NFAT5: variants seen among roughly 807,000 people sequenced by gnomAD.
The protein encoded by NFAT5 is nuclear factor of activated T cells 5.
Under a neutral mutation model 166.5 loss-of-function variants are expected in NFAT5, and 31 were observed. The ratio of observed to expected loss-of-function variants is 0.19; its 90% CI spans 0.14 to 0.25. The LOEUF (loss-of-function observed/expected upper bound fraction) is 0.25. NFAT5 is among the 10% of genes least tolerant of loss of function. The probability of loss-of-function intolerance (pLI) is 1.00; values close to 1 mark genes in which losing one functional copy is unlikely to be tolerated. For synonymous variants in NFAT5, 612 were observed against 639.7 expected, an observed-to-expected ratio of 0.96 and a Z score of 0.65; for missense variants, 1,449 against 1,821.8, an observed-to-expected ratio of 0.80 and a Z score of 3.72.
chr16:69,678,035 G>A (rs2036901395), intron 10 of NFAT5, among the ~76,000 whole-genome samples: 2 of 151,536 alleles, frequency 1.3e-5, no homozygotes, highest in Non-Finnish European at 2.9e-5. Context: ...ATGGGTGCTT[G>A]TAATCCCAGC....
At chr16:69,632,690 G>A (rs972141716) in intron 3 of NFAT5, 1 of 152,052 alleles carries the variant, frequency 6.6e-6, no homozygotes, top group African/African-American at 2.4e-5. Context: ...GCCTTTGATT[G>A]CTTTCCTGGG....
intron 9 of NFAT5, among the ~76,000 whole-genome samples, chr16:69,674,262 A>G (rs1485637257): frequency 6.7e-6 from 1 of 149,438 alleles, no homozygotes; most frequent in East Asian, 1.9e-4. Flanking sequence ...AAAAAAAAAA[A>G]GTAATACGGT....
intron 7 of NFAT5, among the ~76,000 whole-genome samples, chr16:69,661,492 TA>T (rs1243846340): frequency 8.2e-6 from 1 of 121,638 alleles, no homozygotes; most frequent in Non-Finnish European, 1.6e-5. Context: ...AGCAGTGAGC[TA>T]TGATCACACC....
In NFAT5 at chr16:69,693,976, G is replaced by C. The variant is rs775832672; in HGVS notation, c.4151G>C (p.Ser1384Thr). The change falls in exon 13 of 15, where the codon AGT (serine) becomes ACT (threonine). Residue 1384 changes from serine (S) to threonine (T), a missense_variant. Physicochemically the swap from Ser to Thr is moderately conservative, Grantham distance 58. Around this residue, in one of 7 missense-constraint regions of NFAT5, gnomAD observed 891 missense variants for 993.0 expected, o/e 0.90. Transcript: ENST00000349945. ...ATTCAGTTGGTACAAGGGTCACCTA[G>C]TTCTCAAGAGCAGCAAGTAACTCTC... is the stretch of plus-strand genomic sequence containing the variant. The part of the protein sequence containing the change: ...PQIQLVQGSP[S>T]SQEQQVTLFL... The C allele has an allele frequency of 6.2e-7, 1 of 1,614,164 alleles. No individual in the cohort carries two copies. The highest frequency in any genetic ancestry group is 8.5e-7 in the Non-Finnish European group (1 of 1,180,020).
At position 69,572,039 on chromosome 16, in the gene NFAT5, G is replaced by A. The variant is rs2016473511; in HGVS notation, c.127+3491G>A. Among the ~76,000 whole-genome samples the A allele has an allele frequency of 2.0e-5, 3 of 152,042 alleles. No homozygotes were observed. The South Asian group carries it at 6.2e-4, about 32-fold the overall frequency. On this transcript the variant is annotated intron_variant, in intron 2 of 14. Coordinates refer to ENST00000349945, the MANE Select transcript of NFAT5 (RefSeq NM_138713.4). Reference sequence around the variant, plus strand: ...AGCCTCCCAAAGTGCTGGGATTACAGGCGTGAGCCACCGCACCTGGCCTGC... The same window carrying A: ...AGCCTCCCAAAGTGCTGGGATTACAAGCGTGAGCCACCGCACCTGGCCTGC...
chr16:69,627,156 T>C (rs188805234), intron 3 of NFAT5, among the ~76,000 whole-genome samples: 5 of 151,440 alleles, frequency 3.3e-5, no homozygotes, highest in African/African-American at 7.2e-5. Flanking sequence ...CTTAATGATA[T>C]ACAATTGGCT....
At chr16:69,632,612 C>T (rs1228679715) in intron 3 of NFAT5, 13 of 152,044 alleles carry the variant, frequency 8.6e-5, no homozygotes, top group Non-Finnish European at 1.3e-4. Flanking sequence ...AATTTACTTA[C>T]GTTAGAAAGT....
chr16:69,677,448 G>C (rs2036873462), intron 10 of NFAT5, 113 bp downstream of exon 10: 1 of 802,918 alleles, frequency 1.2e-6, no homozygotes, highest in Non-Finnish European at 1.9e-6. Context: ...AAGATGAATT[G>C]ATGTTAGTTT....
chr16:69,569,048 T>G (rs1415588162), intron 2 of NFAT5, among the ~76,000 whole-genome samples: 1 of 152,236 alleles, frequency 6.6e-6, no homozygotes, highest in Admixed American at 6.5e-5. Context: ...CGATGATGAT[T>G]GAGCTATGCT....
chr16:69,609,865 C>A (rs2033622167), intron 2 of NFAT5, among the ~76,000 whole-genome samples: 1 of 146,358 alleles, frequency 6.8e-6, no homozygotes, highest in African/African-American at 2.5e-5. Flanking sequence ...ATTAGCTGGA[C>A]ATGGTGGCAT....
chr16:69,586,525 C>A (rs1163891556), intron 2 of NFAT5, among the ~76,000 whole-genome samples: 1 of 152,086 alleles, frequency 6.6e-6, no homozygotes. Context: ...GCCTCAGCCT[C>A]CCGAGTAGCT....
At chr16:69,638,151 G>A (rs773183561) in intron 3 of NFAT5, among the ~76,000 whole-genome samples, 7 of 152,074 alleles carry the variant, frequency 4.6e-5, no homozygotes, top group African/African-American at 7.2e-5. Flanking sequence ...CCCGGGAGGC[G>A]GAGGTTGCAG....
Position 69,692,121 on chromosome 16 carries a change from G to C in NFAT5, c.2296G>C (p.Glu766Gln). ...ACAACAGCAGCAGTCACCACTACAA[G>C]AACAAGCACAGACTTTACAGCAGCA... ...SQQQQQSPLQ[E>Q]QAQTLQQQIS... The change falls in exon 13 of 15, where the codon GAA becomes CAA. Residue 766 changes from glutamate to glutamine, a missense_variant. Glu to Gln is a conservative substitution (Grantham distance 29, BLOSUM62 2). This residue lies in a region of NFAT5 where 891 missense variants were observed against 993.0 expected (regional missense o/e 0.90). Coordinates refer to ENST00000349945, the MANE Select transcript of NFAT5 (RefSeq NM_138713.4). The C allele has an allele frequency of 1.9e-6, 3 of 1,614,104 alleles. No individual in the cohort carries two copies. The highest frequency in any genetic ancestry group is 2.5e-6 in the Non-Finnish European group (3 of 1,180,036).
intron 2 of NFAT5, among the ~76,000 whole-genome samples, chr16:69,617,928 G>GA (rs1234185440): frequency 6.6e-6 from 1 of 151,784 alleles, no homozygotes; most frequent in Non-Finnish European, 1.5e-5. Context: ...AGGCCAAGGT[G>GA]GGCGGATCAC....
chr16:69,606,191 A>G (rs1241695255), intron 2 of NFAT5, among the ~76,000 whole-genome samples: 1 of 152,174 alleles, frequency 6.6e-6, no homozygotes, highest in Non-Finnish European at 1.5e-5. Flanking sequence ...ACCTCTTGCA[A>G]GGTTTCTTCA....
chr16:69,671,804 C>A (rs530629031), intron 9 of NFAT5, among the ~76,000 whole-genome samples: 7 of 152,206 alleles, frequency 4.6e-5, no homozygotes, highest in Non-Finnish European at 1.0e-4. Flanking sequence ...CTTGGCATAG[C>A]AATGTGTGAT....
At position 69,698,039 on chromosome 16, in the gene NFAT5, T is replaced by C. The variant is rs1274282094; in HGVS notation, c.*1688T>C. 1 of 152,358 alleles carries C rather than the reference T, an allele frequency of 6.6e-6. No homozygotes were observed. The highest frequency in any genetic ancestry group is 6.6e-5 in the Admixed American group (1 of 15,260). 9.4% of individuals were successfully genotyped at this position (152,358 alleles called of 1,614,324 possible). A position where few individuals can be genotyped will look rare whatever the true frequency, so the allele number is the denominator to read the frequency against. ...GCCAGATTTTTCCTTCTTTTTGTTT[T>C]GTGATGATCTTCCTTTGTTCTTTGA... On this transcript the variant is annotated 3_prime_UTR_variant, in exon 15 of 15. Transcript: ENST00000349945.
chr16:69,613,063 A>G (rs894192095), intron 2 of NFAT5, among the ~76,000 whole-genome samples: 1 of 152,090 alleles, frequency 6.6e-6, no homozygotes, highest in Non-Finnish European at 1.5e-5. Flanking sequence ...TATATTCTCT[A>G]TCACAGGAAA....
chr16:69,655,045 C>T (rs2035822471), intron 5 of NFAT5, among the ~76,000 whole-genome samples: 1 of 152,034 alleles, frequency 6.6e-6, no homozygotes, highest in African/African-American at 2.4e-5. Context: ...ATCCATAGAT[C>T]CCCGTTTGAA....
Sources: gnomAD v4.1 joint callset for allele counts (sites outside exome capture counted in the v4.1 genomes callset) on GRCh38, gnomAD v4.1.1 for gene constraint, gnomAD v4.1.1 regional missense constraint, MANE v1.5 for transcripts, NCBI Gene and HGNC (gene_info 2026-07-23, HGNC 2026-07-21) for gene names.